Variants in EFCAB6 observed in about 807,000 individuals in gnomAD.
The protein encoded by EFCAB6 is EF-hand calcium binding domain 6.
Under a neutral mutation model 169.8 loss-of-function variants are expected in EFCAB6, and 156 were observed. The ratio of observed to expected loss-of-function variants is 0.92; its 90% confidence interval spans 0.81 to 1.05. The LOEUF (loss-of-function observed/expected upper bound fraction) is 1.05. Among genes scored for constraint, EFCAB6 ranks in the 50% least tolerant of loss-of-function variants. The pLI is 0.00. For synonymous variants in EFCAB6, 698 were observed against 676.4 expected (o/e 1.03, Z -0.50); for missense variants, 1,800 against 1,829.1 (o/e 0.98, Z 0.29).
chr22:43,773,175 T>C, intron 3 of EFCAB6, 72 bp from the exon 4 acceptor site: 3 of 1,476,728 alleles, frequency 2.0e-6, no homozygotes, highest in Admixed American at 2.0e-5. Context: ...CTTGCACTGT[T>C]GAACGGAACC....
At position 43,808,379 on chromosome 22, in the gene EFCAB6, T is replaced by C. The variant is rs116997832; in HGVS notation, c.-8+616A>G. 6.9e-4 allele frequency among the ~76,000 whole-genome samples: 105 copies of C among 152,304 alleles called. 1 individual carries two copies. In the East Asian group the frequency reaches 9.3e-3, roughly 13 times the overall value. On this transcript the variant is annotated intron_variant, in intron 2 of 31. Coordinates refer to ENST00000262726, the MANE Select transcript of EFCAB6 (RefSeq NM_022785.4). ...CTGGAATATCTCTCCTTTAAGCAAGTATTCTTAACATGGAATCGCGGTCCA... is the reference window on the plus strand; with the variant it reads ...CTGGAATATCTCTCCTTTAAGCAAGCATTCTTAACATGGAATCGCGGTCCA...
chr22:43,650,828 G>A (rs1410805558), intron 17 of EFCAB6, among the ~76,000 whole-genome samples: 1 of 152,192 alleles, frequency 6.6e-6, no homozygotes, highest in African/African-American at 2.4e-5. Flanking sequence ...TTAGCAAAAA[G>A]ACTGGCAGCA....
intron 18 of EFCAB6, 74 bp downstream of exon 18, chr22:43,635,028 G>A: frequency 8.2e-7 from 1 of 1,223,446 alleles, no homozygotes; most frequent in Non-Finnish European, 1.2e-6. Context: ...GAGTGGCCTG[G>A]TGGCACTGCT....
At chr22:43,741,807 G>A (rs528868809) in intron 6 of EFCAB6, among the ~76,000 whole-genome samples, 1 of 152,190 alleles carries the variant, frequency 6.6e-6, no homozygotes, top group East Asian at 1.9e-4. Context: ...CCAGCCACGG[G>A]CAGAACCCTG....
chr22:43,562,531 TCA>T (rs1382075443), intron 26 of EFCAB6, among the ~76,000 whole-genome samples: 20 of 141,052 alleles, frequency 1.4e-4, no homozygotes, highest in South Asian at 2.4e-4. Flanking sequence ...GGCAGCCCGG[TCA>T]GGGGTGGGAG....
At chr22:43,620,679 C>G (rs918664642) in intron 20 of EFCAB6, among the ~76,000 whole-genome samples, 2 of 151,984 alleles carry the variant, frequency 1.3e-5, no homozygotes, top group South Asian at 4.2e-4. Context: ...TGGTAAATAC[C>G]TAGGAAATTA....
chr22:43,658,527 C>A (rs1424529522), intron 17 of EFCAB6, among the ~76,000 whole-genome samples: 1 of 152,134 alleles, frequency 6.6e-6, no homozygotes, highest in Non-Finnish European at 1.5e-5. Context: ...AGGATGGAAG[C>A]CCCCACACTT....
chr22:43,751,360 C>G (rs2060754298), intron 6 of EFCAB6, among the ~76,000 whole-genome samples: 1 of 152,194 alleles, frequency 6.6e-6, no homozygotes, highest in Non-Finnish European at 1.5e-5. Context: ...CTTAGCCACT[C>G]CTATCTTCAC....
At chr22:43,570,813 G>A (rs116690717) in intron 26 of EFCAB6, among the ~76,000 whole-genome samples, 1 of 152,292 alleles carries the variant, frequency 6.6e-6, no homozygotes, top group African/African-American at 2.4e-5. Context: ...GAAGCTCGCA[G>A]GCCTCTGTGC....
chr22:43,629,390 C>T (rs1000802837), intron 19 of EFCAB6, among the ~76,000 whole-genome samples: 8 of 152,136 alleles, frequency 5.3e-5, no homozygotes, highest in Admixed American at 6.5e-5. Context: ...CAGCATAACA[C>T]GGGAACATTA....
intron 26 of EFCAB6, among the ~76,000 whole-genome samples, chr22:43,556,354 G>T (rs1412740725): frequency 6.6e-6 from 1 of 152,218 alleles, no homozygotes; most frequent in Non-Finnish European, 1.5e-5. Flanking sequence ...TGACCTGGAA[G>T]GGGTGGGGCT....
At chr22:43,649,690 G>A (rs1006832925) in intron 17 of EFCAB6, among the ~76,000 whole-genome samples, 2 of 152,140 alleles carry the variant, frequency 1.3e-5, no homozygotes, top group Non-Finnish European at 2.9e-5. Context: ...GCAGATTTAA[G>A]CTTCCACTGA....
rs2047548965 is a variant in EFCAB6, at chr22:43,539,146, C to T, written c.3879+981G>A. Among the ~76,000 whole-genome samples, 3 of 148,458 alleles carry T rather than the reference C, an allele frequency of 2.0e-5. No homozygotes were observed. The South Asian group carries it at 6.3e-4, about 31-fold the overall frequency. The stretch of plus-strand genomic sequence containing the variant: ...GAGCCCACCTGCTTACTCCAGGATA[C>T]TCTCCCCAAAGCCAGCTGATTAGCA... On this transcript the variant is annotated intron_variant, in intron 28 of 31. Transcript: ENST00000262726.
intron 20 of EFCAB6, among the ~76,000 whole-genome samples, chr22:43,621,984 T>G (rs2054144373): frequency 6.6e-6 from 1 of 152,210 alleles, no homozygotes; most frequent in Non-Finnish European, 1.5e-5. Flanking sequence ...TCACTTGAGA[T>G]GAAATAGAAA....
chr22:43,612,021 T>C (rs1263380749), intron 21 of EFCAB6, among the ~76,000 whole-genome samples: 1 of 152,024 alleles, frequency 6.6e-6, no homozygotes, highest in African/African-American at 2.4e-5. Flanking sequence ...CCTACAACCA[T>C]CTGATCTTCA....
intron 2 of EFCAB6, among the ~76,000 whole-genome samples, chr22:43,792,759 G>A (rs2062350391): frequency 6.6e-6 from 1 of 152,178 alleles, no homozygotes; most frequent in African/African-American, 2.4e-5. Flanking sequence ...CTCTCTTCCA[G>A]AACCAGAAGA....
intron 17 of EFCAB6, among the ~76,000 whole-genome samples, chr22:43,658,180 A>G (rs879744859): frequency 2.5e-4 from 38 of 152,240 alleles, no homozygotes; most frequent in Non-Finnish European, 4.7e-4. Context: ...TGCAGTGAGT[A>G]GAGATCGTGC....
intron 26 of EFCAB6, among the ~76,000 whole-genome samples, chr22:43,575,358 G>GTT (rs34543550): frequency 7.6e-5 from 8 of 104,810 alleles, no homozygotes; most frequent in African/African-American, 1.2e-4. Flanking sequence ...ATCCGGCTAT[G>GTT]TTTTTTTTTT....
chr22:43,803,328 T>C (rs2062798788), intron 2 of EFCAB6, among the ~76,000 whole-genome samples: 1 of 152,216 alleles, frequency 6.6e-6, no homozygotes, highest in Non-Finnish European at 1.5e-5. Context: ...TCATGAAAAG[T>C]TGTTCAACCC....
Sources: allele counts gnomAD v4.1 joint callset (sites outside exome capture counted in the v4.1 genomes callset), GRCh38; gene constraint gnomAD v4.1.1; transcripts MANE v1.5; gene names NCBI Gene and HGNC (gene_info 2026-07-23, HGNC 2026-07-21).